The following DISP1 variants were observed in gnomAD, a reference collection of about 807,000 sequenced individuals.
The protein encoded by DISP1 is protein dispatched homolog 1.
In DISP1, 30 loss-of-function variants were observed where a neutral mutation model predicts 37.3. The observed-to-expected ratio is 0.80, with a 90% confidence interval of 0.60 to 1.09. DISP1 has a LOEUF of 1.09. Among genes scored for constraint, DISP1 ranks in the 50% least tolerant of loss-of-function variants. The pLI, the probability that DISP1 is intolerant of heterozygous loss-of-function variation, is 0.00. For missense variants in DISP1, 1,598 were observed against 1,879.5 expected (o/e 0.85, Z 2.77); for synonymous variants, 634 against 690.2 (o/e 0.92, Z 1.28).
intron 1 of DISP1, among the ~76,000 whole-genome samples, chr1:222,860,881 CAAAA>C (rs768395409): frequency 6.6e-6 from 1 of 151,742 alleles, no homozygotes; most frequent in South Asian, 2.1e-4. Flanking sequence ...TCAAAAAAAA[CAAAA>C]AACAAACAAA....
intron 8 of DISP1, among the ~76,000 whole-genome samples, chr1:222,996,752 C>G (rs1679097945): frequency 6.6e-6 from 1 of 152,146 alleles, no homozygotes; most frequent in African/African-American, 2.4e-5. Context: ...TGGAACCCAG[C>G]CAAGTTGAAC....
At chr1:222,841,368 A>G (rs1348731142) in intron 1 of DISP1, among the ~76,000 whole-genome samples, 2 of 152,168 alleles carry the variant, frequency 1.3e-5, no homozygotes, top group Non-Finnish European at 2.9e-5. Context: ...ATCCTCATTA[A>G]TAACCCTATA....
Position 222,828,850 on chromosome 1 carries a change from G to A in DISP1, c.-159+13772G>A, listed in dbSNP as rs151208455. Among the ~76,000 whole-genome samples the A allele has an allele frequency of 4.4e-3, 671 of 152,200 alleles. 5 individuals are homozygous for A. The highest frequency in any genetic ancestry group is 0.015 in the African/African-American group (632 of 41,514). On this transcript the variant is annotated intron_variant, in intron 1 of 8. Transcript: ENST00000675850. Reference sequence around the variant, plus strand: ...TCTATACATTAAAAAAAAATTTTAAGTACTTAAATACAACAATTTTTGGTG... The same window carrying A: ...TCTATACATTAAAAAAAAATTTTAAATACTTAAATACAACAATTTTTGGTG...
chr1:222,969,728 A>G (rs995959706), intron 3 of DISP1, among the ~76,000 whole-genome samples: 1 of 152,058 alleles, frequency 6.6e-6, no homozygotes, highest in East Asian at 1.9e-4. Flanking sequence ...TTTAATTTCT[A>G]TATTTAGGCA....
chr1:222,894,352 G>T (rs1671116798), intron 1 of DISP1, among the ~76,000 whole-genome samples: 2 of 152,174 alleles, frequency 1.3e-5, no homozygotes, highest in South Asian at 2.1e-4. Flanking sequence ...GCACCTGCAG[G>T]CCAATGCTGA....
chr1:222,942,934 C>G lies in DISP1; in HGVS notation c.111C>G (p.Ala37=). The G allele has an allele frequency of 6.2e-7, 1 of 1,614,058 alleles. No individual in the cohort carries two copies. Among genetic ancestry groups the G allele is most frequent in the African/African-American group, 1.3e-5 (1 of 74,990 alleles). Residue 37 remains alanine, a synonymous_variant, in exon 3 of 9, where the codon GCC becomes GCG. Coordinates refer to ENST00000675850, the MANE Select transcript of DISP1 (RefSeq NM_001377229.1). ...PLTPCDGDHA[A]QQLTPKEATR... The stretch of plus-strand genomic sequence containing the variant: ...CCCCCTGTGATGGAGACCATGCAGC[C>G]CAGCAGCTCACACCCAAAGAAGCAA...
chr1:222,913,714 C>T (rs970383989), intron 1 of DISP1, among the ~76,000 whole-genome samples: 2 of 150,660 alleles, frequency 1.3e-5, no homozygotes, highest in African/African-American at 4.9e-5. Context: ...TGAGATAAGC[C>T]TCAGTAACAT....
Position 222,854,104 on chromosome 1 carries a change from G to T in DISP1, c.-159+39026G>T, listed in dbSNP as rs116741196. 6.1e-3 allele frequency among the ~76,000 whole-genome samples: 922 copies of T among 152,180 alleles called. 12 individuals carry two copies. Among genetic ancestry groups the T allele is most frequent in the African/African-American group, 0.021 (866 of 41,514 alleles). On this transcript the variant is annotated intron_variant, in intron 1 of 8. Transcript: ENST00000675850. ...AAGAAAACACCATGGCAAGATGTTG[G>T]CCACAGACTATAAATATAGGGGAAA...
intron 1 of DISP1, among the ~76,000 whole-genome samples, chr1:222,895,104 G>C (rs1375235240): frequency 6.6e-6 from 1 of 152,172 alleles, no homozygotes; most frequent in Non-Finnish European, 1.5e-5. Context: ...CTAGAGAATA[G>C]TCTCAGTTTT....
Position 223,004,096 on chromosome 1 carries a change from G to A in DISP1, c.2699G>A (p.Ser900Asn), listed in dbSNP as rs765696618. 40 of 1,614,072 alleles carry A rather than the reference G, an allele frequency of 2.5e-5. No individual in the cohort carries two copies. The highest frequency in any genetic ancestry group is 3.4e-5 in the Non-Finnish European group (40 of 1,180,056). ...AGAGCTATCATGGAGCTGGAAAGGA[G>A]TACAGGGTACCATTTGGATAGCAAA... ...IKRAIMELER[S>N]TGYHLDSKTP... The change falls in exon 9 of 9, where the codon AGT (serine) becomes AAT (asparagine). Residue 900 changes from serine (S) to asparagine (N), a missense_variant. Physicochemically the swap from Ser to Asn is conservative, Grantham distance 46. Coordinates refer to ENST00000675850, the MANE Select transcript of DISP1 (RefSeq NM_001377229.1). This position sits in a 1 kb window ranked among gnomAD's most constrained non-coding sequence, Gnocchi z 4.9.
chr1:222,856,375 G>A (rs1250154443), intron 1 of DISP1, among the ~76,000 whole-genome samples: 1 of 152,218 alleles, frequency 6.6e-6, no homozygotes, highest in South Asian at 2.1e-4. Context: ...TGAAGGCAGT[G>A]TTTGTCTTTT....
intron 1 of DISP1, among the ~76,000 whole-genome samples, chr1:222,816,094 T>C (rs867816578): frequency 7.6e-6 from 1 of 132,448 alleles, no homozygotes; most frequent in Non-Finnish European, 1.6e-5. Context: ...TATATATATA[T>C]ATATATATAA....
chr1:222,950,112 G>A (rs1012243799), intron 3 of DISP1, among the ~76,000 whole-genome samples: 10 of 152,090 alleles, frequency 6.6e-5, no homozygotes, highest in African/African-American at 2.4e-4. Flanking sequence ...GTTGAGAGGT[G>A]GGAAGGATCC....
chr1:222,930,684 A>C lies in DISP1; in HGVS notation c.-18+2114A>C, dbSNP rs527264641. On this transcript the variant is annotated intron_variant, in intron 2 of 8. Coordinates refer to ENST00000675850, the MANE Select transcript of DISP1 (RefSeq NM_001377229.1). ...AAGAATCCCACACAATAGTAAATGT[A>C]ATTTCAGTTCATCTAATATATACAA... is the stretch of plus-strand genomic sequence containing the variant. 5.3e-5 allele frequency among the ~76,000 whole-genome samples: 8 copies of C among 152,252 alleles called. 1 individual carries two copies. The East Asian group carries it at 1.3e-3, about 26-fold the overall frequency.
At chr1:222,949,526 A>G (rs1675056273) in intron 3 of DISP1, among the ~76,000 whole-genome samples, 3 of 152,208 alleles carry the variant, frequency 2.0e-5, no homozygotes, top group Admixed American at 1.3e-4. Flanking sequence ...TTAAAGCTTC[A>G]GGCTTTTATA....
At chr1:222,890,125 A>G (rs1324218754) in intron 1 of DISP1, among the ~76,000 whole-genome samples, 1 of 152,144 alleles carries the variant, frequency 6.6e-6, no homozygotes, top group Non-Finnish European at 1.5e-5. Flanking sequence ...ATAATTATTT[A>G]TTGCTTTCTA....
chr1:222,873,158 T>A (rs1336110595), intron 1 of DISP1, among the ~76,000 whole-genome samples: 1 of 152,194 alleles, frequency 6.6e-6, no homozygotes, highest in East Asian at 1.9e-4. Flanking sequence ...ATAATTTCTG[T>A]TCTTTTACAT....
intron 1 of DISP1, among the ~76,000 whole-genome samples, chr1:222,909,833 G>A (rs1287327156): frequency 6.6e-6 from 1 of 152,124 alleles, no homozygotes; most frequent in Non-Finnish European, 1.5e-5. Context: ...TCAGGAGACG[G>A]TGGAGCTCAT....
intron 1 of DISP1, among the ~76,000 whole-genome samples, chr1:222,921,126 A>T (rs368592743): frequency 1.3e-5 from 2 of 152,296 alleles, no homozygotes; most frequent in African/African-American, 4.8e-5. Context: ...CCTGGGCAAC[A>T]TGGTGAAACA....
Sources: allele counts gnomAD v4.1 joint callset (sites outside exome capture counted in the v4.1 genomes callset), GRCh38; gene constraint gnomAD v4.1.1; non-coding constraint Gnocchi (gnomAD v3.1); transcripts MANE v1.5; gene names NCBI Gene and HGNC (gene_info 2026-07-23, HGNC 2026-07-21).